The following TMEM255B variants were observed in gnomAD, a reference collection of about 807,000 sequenced individuals.
TMEM255B encodes the protein family with sequence similarity 70, member B.
TMEM255B carries 35 observed loss-of-function variants against 34.5 expected under a neutral mutation model. The ratio of observed to expected loss-of-function variants is 1.01; its 90% confidence interval spans 0.77 to 1.34. TMEM255B has a LOEUF of 1.34. Ranked by LOEUF, TMEM255B falls within the 40% of genes most tolerant of loss-of-function variation. The pLI, the probability that TMEM255B is intolerant of heterozygous loss-of-function variation, is 0.00. For synonymous variants in TMEM255B, 206 were observed against 201.2 expected (o/e 1.02, Z -0.20); for missense variants, 432 against 433.2 (o/e 1.00, Z 0.02).
chr13:113,811,846 G>GGCCA lies in TMEM255B; in HGVS notation c.924_925insGCCA (p.Cys309AlafsTer28), dbSNP rs761035429. The GGCCA allele has an allele frequency of 9.3e-6, 15 of 1,613,750 alleles. No individual in the cohort carries two copies. The Admixed American group carries it at 1.8e-4, about 20-fold the overall frequency. ...CTGGGCTTCCCGGCCAGGCTCCACC[G>GGCCA]TGCTACGCACCCACCTACTTTCCCC... is the stretch of plus-strand genomic sequence containing the variant. On this transcript the variant is annotated frameshift_variant, in exon 9 of 9. Coordinates refer to ENST00000375353, the MANE Select transcript of TMEM255B (RefSeq NM_182614.4). LOFTEE classifies it high-confidence loss of function.
chr13:113,786,242 C>G (rs944907454), intron 3 of TMEM255B, among the ~76,000 whole-genome samples: 9 of 151,952 alleles, frequency 5.9e-5, no homozygotes, highest in Non-Finnish European at 1.2e-4. Context: ...CTGTCATTGC[C>G]ATCATCACCA....
intron 3 of TMEM255B, among the ~76,000 whole-genome samples, chr13:113,773,959 G>GTGTA (rs1489455266): frequency 6.6e-6 from 1 of 152,204 alleles, no homozygotes; most frequent in Admixed American, 6.5e-5. Flanking sequence ...GAGAGAACGA[G>GTGTA]TGTATTTCCA....
intron 3 of TMEM255B, among the ~76,000 whole-genome samples, chr13:113,780,046 A>G (rs1262145341): frequency 6.6e-6 from 1 of 152,228 alleles, no homozygotes; most frequent in Non-Finnish European, 1.5e-5. Context: ...GGAATCTGAG[A>G]TAAGACTTTT....
At chr13:113,760,982 C>CCA in intron 1 of TMEM255B, among the ~76,000 whole-genome samples, 1 of 142,762 alleles carries the variant, frequency 7.0e-6, no homozygotes, top group Non-Finnish European at 1.5e-5. Context: ...TGGGGGTGGA[C>CCA]CATAGTCTTT....
At chr13:113,771,273 C>T (rs1185149326) in intron 3 of TMEM255B, among the ~76,000 whole-genome samples, 5 of 152,156 alleles carry the variant, frequency 3.3e-5, no homozygotes, top group Admixed American at 3.3e-4. Flanking sequence ...CTACTCTGGG[C>T]TTGTGTGTGG....
At position 113,812,974 on chromosome 13, in the gene TMEM255B, G is replaced by A. The variant is rs1410016586; in HGVS notation, c.*1071G>A. 4 of 134,222 alleles carry A rather than the reference G, an allele frequency of 3.0e-5. No homozygotes were observed. The highest frequency in any genetic ancestry group is 1.5e-4 in the Admixed American group (2 of 13,508). The allele number at this position is 134,222 out of a possible 1,614,324, so 8.3% of individuals were successfully genotyped here. ...CGGGTGGGTCACGGGCCCCGGGTGG[G>A]TCACGGGTCCCGGGTGGGTCACGGG... is the stretch of plus-strand genomic sequence containing the variant. On this transcript the variant is annotated 3_prime_UTR_variant, in exon 9 of 9. Transcript: ENST00000375353.
intron 4 of TMEM255B, among the ~76,000 whole-genome samples, chr13:113,797,490 C>T (rs1222723413): frequency 3.3e-5 from 5 of 152,200 alleles, no homozygotes; most frequent in African/African-American, 1.2e-4. Context: ...AGCCTCTGTC[C>T]GTGGGGTTGG....
At chr13:113,792,138 T>C in intron 3 of TMEM255B, among the ~76,000 whole-genome samples, 1 of 152,264 alleles carries the variant, frequency 6.6e-6, no homozygotes, top group Non-Finnish European at 1.5e-5. Flanking sequence ...CTGTGTGTGT[T>C]TTTATGTATT....
intron 4 of TMEM255B, among the ~76,000 whole-genome samples, chr13:113,798,261 GGATA>G (rs1462928141): frequency 6.6e-6 from 1 of 151,772 alleles, no homozygotes; most frequent in Admixed American, 6.6e-5. Flanking sequence ...GATGATGGAT[GGATA>G]GATAGGAGGA....
Position 113,801,683 on chromosome 13 carries a change from C to G in TMEM255B, c.540C>G (p.Phe180Leu). ...AGCCCTCGCCCGCCTACTATGAGTT[C>G]ATCGGCGTCAGCGGCTGCCAGGACG... ...SAEPSPAYYE[F>L]IGVSGCQDVL... The change falls in exon 7 of 9, where the codon TTC (phenylalanine) becomes TTG (leucine). Residue 180 changes from phenylalanine (F) to leucine (L), a missense_variant. Coordinates refer to ENST00000375353, the MANE Select transcript of TMEM255B (RefSeq NM_182614.4). 6.2e-7 allele frequency: 1 copy of G among 1,612,392 alleles called. No homozygotes were observed. The highest frequency in any genetic ancestry group is 1.3e-5 in the African/African-American group (1 of 75,034).
chr13:113,794,129 G>C (rs913911266), intron 3 of TMEM255B, among the ~76,000 whole-genome samples: 6 of 152,202 alleles, frequency 3.9e-5, no homozygotes, highest in Non-Finnish European at 7.3e-5. Context: ...GCAGTTCCAC[G>C]TGAGGGTCAC....
chr13:113,772,176 T>G (rs527580515), intron 3 of TMEM255B, among the ~76,000 whole-genome samples: 1 of 152,364 alleles, frequency 6.6e-6, no homozygotes, highest in African/African-American at 2.4e-5. Flanking sequence ...CCTTTGCTCA[T>G]TTTTACATTG....
In TMEM255B at chr13:113,814,558, G is replaced by C. The variant is rs2051382796; in HGVS notation, c.*2655G>C. ...TCGTGGTGGCTGGAGGGTCCCCCAG[G>C]TCCCAGGGCAGCTCCCACCTGGCGC... On this transcript the variant is annotated 3_prime_UTR_variant, in exon 9 of 9. Coordinates refer to ENST00000375353, the MANE Select transcript of TMEM255B (RefSeq NM_182614.4). 6.6e-6 allele frequency: 1 copy of C among 152,232 alleles called. No individual in the cohort carries two copies. The highest frequency in any genetic ancestry group is 1.5e-5 in the Non-Finnish European group (1 of 68,062). 9.4% of individuals were successfully genotyped at this position (152,232 alleles called of 1,614,324 possible).
intron 8 of TMEM255B, 99 bp from the exon 9 acceptor site, chr13:113,811,637 G>T: frequency 7.1e-7 from 1 of 1,405,276 alleles, no homozygotes; most frequent in Non-Finnish European, 9.7e-7. Context: ...CGGGGTGGGT[G>T]GGGAGCGTGT....
At chr13:113,788,983 T>C (rs2050786048) in intron 3 of TMEM255B, among the ~76,000 whole-genome samples, 1 of 151,970 alleles carries the variant, frequency 6.6e-6, no homozygotes, top group South Asian at 2.1e-4. Context: ...CTGTGGGGCC[T>C]TTGCAGGTGC....
intron 3 of TMEM255B, among the ~76,000 whole-genome samples, chr13:113,778,060 T>C (rs542457198): frequency 1.2e-4 from 19 of 152,086 alleles, no homozygotes; most frequent in Non-Finnish European, 2.4e-4. Context: ...ACAAGACTAG[T>C]CCTGAGCTTG....
Position 113,761,906 on chromosome 13 carries a change from C to G in TMEM255B, c.46+2591C>G, listed in dbSNP as rs190238643. Among the ~76,000 whole-genome samples the G allele has an allele frequency of 5.0e-4, 76 of 152,296 alleles. No homozygotes were observed. The East Asian group carries it at 0.011, about 23-fold the overall frequency. On this transcript the variant is annotated intron_variant, in intron 1 of 8. Coordinates refer to ENST00000375353, the MANE Select transcript of TMEM255B (RefSeq NM_182614.4). ...GAGCTCTTGGCTCTCATAGGGTTCT[C>G]TTCTCCCAGGCTCAGGGAGATTAAA... is the stretch of plus-strand genomic sequence containing the variant.
intron 1 of TMEM255B, chr13:113,761,152 C>A (rs1042683024): frequency 1.0e-6 from 1 of 983,868 alleles, no homozygotes; most frequent in African/African-American, 1.8e-5. Flanking sequence ...GACTGGTGTC[C>A]CCACATGATT....
chr13:113,764,387 G>A (rs181315390), intron 1 of TMEM255B, among the ~76,000 whole-genome samples: 39 of 152,330 alleles, frequency 2.6e-4, no homozygotes, highest in African/African-American at 8.2e-4. Flanking sequence ...ACCCCAGGGC[G>A]TGTTCCTGAG....
Sources: allele counts gnomAD v4.1 joint callset (sites outside exome capture counted in the v4.1 genomes callset), GRCh38; gene constraint gnomAD v4.1.1; transcripts MANE v1.5; gene names NCBI Gene and HGNC (gene_info 2026-07-23, HGNC 2026-07-21).